NRXN3: variants seen among roughly 807,000 people sequenced by gnomAD.
NRXN3 encodes the protein neurexin 3.
Under a neutral mutation model 137.6 loss-of-function variants are expected in NRXN3, and 32 were observed. The observed-to-expected ratio is 0.23, with a 90% CI of 0.18 to 0.31. The LOEUF is 0.31. Ranked by LOEUF, NRXN3 falls within the 10% of genes least tolerant of loss-of-function variation. The pLI is 1.00. For missense variants in NRXN3, 1,574 were observed against 2,062.5 expected (o/e 0.76, Z 4.59); for synonymous variants, 798 against 784.5 (o/e 1.02, Z -0.29).
At chr14:78,918,863 C>T (rs759087651) in intron 10 of NRXN3, among the ~76,000 whole-genome samples, 1 of 152,040 alleles carries the variant, frequency 6.6e-6, no homozygotes, top group African/African-American at 2.4e-5. Flanking sequence ...AGAGGTTACA[C>T]CATCCAGGTT....
chr14:78,212,020 C>T (rs1189805092), intron 1 of NRXN3, among the ~76,000 whole-genome samples: 1 of 152,166 alleles, frequency 6.6e-6, no homozygotes, highest in Admixed American at 6.5e-5. Flanking sequence ...AATGGAGCCT[C>T]CTACTTTGTT....
chr14:78,382,425 G>T (rs1159963957), intron 4 of NRXN3, among the ~76,000 whole-genome samples: 4 of 152,126 alleles, frequency 2.6e-5, no homozygotes, highest in Admixed American at 6.5e-5. Flanking sequence ...GTGTTAGGGG[G>T]ACCTTTCTTG....
At chr14:79,447,864 C>T (rs1004325596) in intron 15 of NRXN3, among the ~76,000 whole-genome samples, 8 of 152,216 alleles carry the variant, frequency 5.3e-5, no homozygotes, top group Non-Finnish European at 1.0e-4. Context: ...GGCTAAATAT[C>T]CTGAGCTCAT....
chr14:78,503,009 G>A (rs1036771099), intron 4 of NRXN3, among the ~76,000 whole-genome samples: 7 of 152,158 alleles, frequency 4.6e-5, no homozygotes, highest in Non-Finnish European at 7.4e-5. Flanking sequence ...TTGTGTTAGA[G>A]GAGTGTAGTT....
chr14:79,702,078 G>A (rs1447379812), intron 19 of NRXN3, among the ~76,000 whole-genome samples: 1 of 151,912 alleles, frequency 6.6e-6, no homozygotes, highest in Non-Finnish European at 1.5e-5. Flanking sequence ...AAGTTTGGGG[G>A]AAATAGAGAT....
At chr14:78,891,500 A>G (rs1315859082) in intron 10 of NRXN3, among the ~76,000 whole-genome samples, 1 of 151,904 alleles carries the variant, frequency 6.6e-6, no homozygotes, top group African/African-American at 2.4e-5. Context: ...CTGTACATCC[A>G]TGACATGAGA....
intron 15 of NRXN3, among the ~76,000 whole-genome samples, chr14:79,030,635 C>CTTTTTTTTTTTTTTTTTTTTTTTTTTT: frequency 5.5e-5 from 3 of 54,236 alleles, no homozygotes; most frequent in African/African-American, 1.4e-4. Context: ...TTCTCTGTGT[C>CTTTTTTTTTTTTTTTTTTTTTTTTTTT]TTTTTTTTTT....
chr14:79,389,050 AT>A (rs2094748327), intron 15 of NRXN3, among the ~76,000 whole-genome samples: 1 of 152,144 alleles, frequency 6.6e-6, no homozygotes, highest in African/African-American at 2.4e-5. Context: ...CTTTTTCTTT[AT>A]AAATTACCTA....
At chr14:79,598,753 T>C (rs1392977096) in intron 16 of NRXN3, among the ~76,000 whole-genome samples, 2 of 152,188 alleles carry the variant, frequency 1.3e-5, no homozygotes, top group African/African-American at 2.4e-5. Context: ...ATGTGGAATC[T>C]GGAAGAGACA....
At chr14:78,201,375 C>T (rs2061662079) in intron 1 of NRXN3, among the ~76,000 whole-genome samples, 1 of 152,200 alleles carries the variant, frequency 6.6e-6, no homozygotes, top group Non-Finnish European at 1.5e-5. Flanking sequence ...CTCCATCTGG[C>T]CGCTCTGGGG....
intron 15 of NRXN3, among the ~76,000 whole-genome samples, chr14:79,173,767 A>G (rs1260745937): frequency 6.6e-6 from 1 of 152,100 alleles, no homozygotes; most frequent in Non-Finnish European, 1.5e-5. Flanking sequence ...GTAATCACAA[A>G]CTGAGCTCAT....
intron 15 of NRXN3, among the ~76,000 whole-genome samples, chr14:79,302,051 T>C (rs577855871): frequency 7.1e-4 from 108 of 152,158 alleles, no homozygotes; most frequent in Middle Eastern, 3.4e-3. Flanking sequence ...ACTTTTCAAA[T>C]GTCAGCATGC....
intron 20 of NRXN3, among the ~76,000 whole-genome samples, chr14:79,854,448 T>C (rs957514278): frequency 6.6e-6 from 1 of 152,190 alleles, no homozygotes; most frequent in South Asian, 2.1e-4. Context: ...GAAGACTATA[T>C]TTTTTATTTC....
chr14:78,200,705 T>C (rs1178699316), intron 1 of NRXN3, among the ~76,000 whole-genome samples: 2 of 152,220 alleles, frequency 1.3e-5, no homozygotes, highest in African/African-American at 2.4e-5. Context: ...AAAAGTGTGC[T>C]TAATACATCC....
chr14:79,670,515 G>A (rs2098601336), intron 17 of NRXN3, among the ~76,000 whole-genome samples: 1 of 152,034 alleles, frequency 6.6e-6, no homozygotes, highest in African/African-American at 2.4e-5. Context: ...TTAAAACCAA[G>A]TGAATGCTCA....
intron 10 of NRXN3, among the ~76,000 whole-genome samples, chr14:78,843,500 A>G (rs964572287): frequency 2.0e-5 from 3 of 152,160 alleles, no homozygotes; most frequent in Non-Finnish European, 2.9e-5. Flanking sequence ...AGACTCTTAG[A>G]GCTAGAAAGA....
At chr14:78,611,532 A>G (rs1427735659) in intron 4 of NRXN3, among the ~76,000 whole-genome samples, 2 of 152,114 alleles carry the variant, frequency 1.3e-5, no homozygotes, top group East Asian at 1.9e-4. Flanking sequence ...GCACATTCAA[A>G]TACATTGCTT....
intron 6 of NRXN3, among the ~76,000 whole-genome samples, chr14:78,697,312 A>T (rs1029174462): frequency 4.0e-5 from 6 of 151,828 alleles, no homozygotes; most frequent in Non-Finnish European, 8.8e-5. Context: ...CTTCTTTTAT[A>T]TAAATATAAA....
At chr14:78,475,454 C>T (rs576344408) in intron 4 of NRXN3, among the ~76,000 whole-genome samples, 1 of 152,118 alleles carries the variant, frequency 6.6e-6, no homozygotes, top group Non-Finnish European at 1.5e-5. Flanking sequence ...TTATGACTTT[C>T]GAAGTTGAGT....
Sources: allele counts gnomAD v4.1 joint callset (sites outside exome capture counted in the v4.1 genomes callset), GRCh38; gene constraint gnomAD v4.1.1; transcripts MANE v1.5; gene names NCBI Gene and HGNC (gene_info 2026-07-23, HGNC 2026-07-21).